KIRREL3: variants seen among roughly 807,000 people sequenced by gnomAD.
KIRREL3 encodes the protein kin of IRRE-like protein 3.
Under a neutral mutation model 89.7 loss-of-function variants are expected in KIRREL3, and 36 were observed. The observed-to-expected ratio is 0.40, with a 90% CI of 0.31 to 0.53. KIRREL3 has a LOEUF of 0.53. Among genes scored for constraint, KIRREL3 ranks in the 20% least tolerant of loss-of-function variants. KIRREL3 has a pLI of 0.49. For missense variants in KIRREL3, 864 were observed against 1,056.6 expected, an observed-to-expected ratio of 0.82 and a Z score of 2.53; for synonymous variants, 445 against 441.4, an observed-to-expected ratio of 1.01 and a Z score of -0.10.
At chr11:126,524,996 A>C (rs1958704565) in intron 3 of KIRREL3, among the ~76,000 whole-genome samples, 1 of 152,174 alleles carries the variant, frequency 6.6e-6, no homozygotes, top group Non-Finnish European at 1.5e-5. Context: ...AAACCGAGTC[A>C]AGCTGGAGAG....
intron 1 of KIRREL3, among the ~76,000 whole-genome samples, chr11:126,919,700 A>G (rs997006983): frequency 1.3e-5 from 2 of 152,206 alleles, no homozygotes; most frequent in Admixed American, 1.3e-4. Context: ...GTGGTCTGGG[A>G]GAGAAACCCT....
rs1951058196 is a variant in KIRREL3 at position 126,802,230 on chromosome 11, G to A, written c.55+198225C>T. Among the ~76,000 whole-genome samples the A allele has an allele frequency of 6.6e-6, 1 of 152,050 alleles. No individual in the cohort carries two copies. The highest frequency in any genetic ancestry group is 2.4e-5 in the African/African-American group (1 of 41,394). ...CCTTGGCCCTACCTCACCTGGAGAA[G>A]TTAACCAAAGAGGAGTAAGAGATCC... On this transcript the variant is annotated intron_variant, in intron 1 of 16. Coordinates refer to ENST00000525144, the MANE Select transcript of KIRREL3 (RefSeq NM_032531.4). The surrounding 1 kb of genome is among the most constrained non-coding windows in gnomAD (Gnocchi z 5.2).
chr11:126,638,175 C>A (rs144557168), intron 1 of KIRREL3, among the ~76,000 whole-genome samples: 27 of 152,326 alleles, frequency 1.8e-4, no homozygotes, highest in African/African-American at 6.5e-4. Flanking sequence ...GGGTTTAGCA[C>A]TGACTTCTCA....
chr11:126,446,148 C>CAAAA (rs56820180), intron 9 of KIRREL3, among the ~76,000 whole-genome samples: 45 of 83,172 alleles, frequency 5.4e-4, no homozygotes, highest in African/African-American at 7.8e-4. Context: ...AACTCCATCT[C>CAAAA]AAAAAAAAAA....
rs1051402552 is a variant in KIRREL3, at chr11:126,981,724, G to A, written c.55+18731C>T. On this transcript the variant is annotated intron_variant, in intron 1 of 16. Transcript: ENST00000525144. This position sits in a 1 kb window ranked among gnomAD's most constrained non-coding sequence, Gnocchi z 4.2. ...TCCTTGGAGTAGGTTCCTGAGCTTG[G>A]TGCCTGGGGAACTGGGGAAGGCCCC... 6.6e-6 allele frequency among the ~76,000 whole-genome samples: 1 copy of A among 152,126 alleles called. No individual in the cohort carries two copies. The highest frequency in any genetic ancestry group is 2.4e-5 in the African/African-American group (1 of 41,424).
upstream of KIRREL3, chr11:127,002,796 T>C (rs1251086187): frequency 6.6e-6 from 1 of 152,232 alleles, no homozygotes; most frequent in Non-Finnish European, 1.5e-5. Context: ...AGGGCCCAGA[T>C]TTGCTTAATT....
rs1939261790 is a variant in KIRREL3, at chr11:126,551,547, C to T, written c.133+11288G>A. 6.6e-6 allele frequency among the ~76,000 whole-genome samples: 1 copy of T among 152,166 alleles called. No homozygotes were observed. Among genetic ancestry groups the T allele is most frequent in the Non-Finnish European group, 1.5e-5 (1 of 68,020 alleles). On this transcript the variant is annotated intron_variant, in intron 2 of 16. Transcript: ENST00000525144. The surrounding 1 kb of genome is among the most constrained non-coding windows in gnomAD (Gnocchi z 4.9). ...CTCAGGCCATGCCCTGACTTTCAAC[C>T]ACTGATCCCTTACAGCAAAAGAATA...
Position 126,921,580 on chromosome 11 carries a change from TTCTATCTATCTATCTATCTA to T in KIRREL3, c.55+78855_55+78874del, listed in dbSNP as rs201891981. On this transcript the variant is annotated intron_variant, in intron 1 of 16. Transcript: ENST00000525144. ...ATCTATCAATCTATCTATATCTGTC[TTCTATCTATCTATCTATCTA>T]TCTATCTATCTATCTATCTATCTTC... Among the ~76,000 whole-genome samples the T allele has an allele frequency of 3.1e-3, 100 of 32,274 alleles. 1 individual carries two copies. The highest frequency in any genetic ancestry group is 6.8e-3 in the African/African-American group (33 of 4,864). The allele number at this position is 32,274 out of a possible 152,430, so 21.2% of individuals were successfully genotyped here.
chr11:126,820,220 A>G (rs1030023524), intron 1 of KIRREL3, among the ~76,000 whole-genome samples: 8 of 152,164 alleles, frequency 5.3e-5, no homozygotes, highest in African/African-American at 1.9e-4. Context: ...CTGCAGAGGG[A>G]GGCAGATAGC....
chr11:126,774,607 C>G (rs1357451344), intron 1 of KIRREL3, among the ~76,000 whole-genome samples: 2 of 152,192 alleles, frequency 1.3e-5, no homozygotes, highest in Non-Finnish European at 2.9e-5. Flanking sequence ...CCTGCACGCT[C>G]TGCACCCAAA....
intron 1 of KIRREL3, among the ~76,000 whole-genome samples, chr11:126,781,153 A>C (rs1293585717): frequency 3.3e-5 from 5 of 152,154 alleles, no homozygotes; most frequent in African/African-American, 1.2e-4. Flanking sequence ...CTATGTCTGC[A>C]AGACTTTCTA....
rs141685917 is a variant in KIRREL3 at position 126,798,731 on chromosome 11, A to G, written c.55+201724T>C. On this transcript the variant is annotated intron_variant, in intron 1 of 16. Transcript: ENST00000525144. ...GGGTGGCCACTTATTTGGGGTTAGC[A>G]TAGGGGATATCCTTAGAGAAACCAT... Among the ~76,000 whole-genome samples the G allele has an allele frequency of 4.6e-5, 7 of 152,288 alleles. No individual in the cohort carries two copies. The East Asian group carries it at 9.6e-4, about 21-fold the overall frequency.
chr11:126,783,338 T>C lies in KIRREL3; in HGVS notation c.55+217117A>G, dbSNP rs1950384850. Among the ~76,000 whole-genome samples, 1 of 152,206 alleles carries C rather than the reference T, an allele frequency of 6.6e-6. No individual in the cohort carries two copies. Among genetic ancestry groups the C allele is most frequent in the African/African-American group, 2.4e-5 (1 of 41,436 alleles). ...TTATGAGGACACTCACTGGTCACAT[T>C]GGATTAAGGGCTTACCTTACTCCAG... is the stretch of plus-strand genomic sequence containing the variant. On this transcript the variant is annotated intron_variant, in intron 1 of 16. Coordinates refer to ENST00000525144, the MANE Select transcript of KIRREL3 (RefSeq NM_032531.4). This position sits in a 1 kb window ranked among gnomAD's most constrained non-coding sequence, Gnocchi z 4.3.
chr11:126,558,491 G>A lies in KIRREL3; in HGVS notation c.133+4344C>T, dbSNP rs565357443. 6.6e-6 allele frequency among the ~76,000 whole-genome samples: 1 copy of A among 152,296 alleles called. No homozygotes were observed. The highest frequency in any genetic ancestry group is 2.4e-5 in the African/African-American group (1 of 41,568). On this transcript the variant is annotated intron_variant, in intron 2 of 16. Transcript: ENST00000525144. The surrounding 1 kb of genome is among the most constrained non-coding windows in gnomAD (Gnocchi z 4.0). ...TCTTCCAGAAGTCTAAGAGCCCTGG[G>A]TGTCTGGAGCCCTGGGCTGTGGTCC...
Position 126,695,675 on chromosome 11 carries a change from G to C in KIRREL3, c.56-132763C>G, listed in dbSNP as rs529368185. Among the ~76,000 whole-genome samples, 400 of 152,214 alleles carry C rather than the reference G, an allele frequency of 2.6e-3. 6 individuals are homozygous for C. Among genetic ancestry groups the C allele is most frequent in the Non-Finnish European group, 6.5e-4 (44 of 68,014 alleles). On this transcript the variant is annotated intron_variant, in intron 1 of 16. Coordinates refer to ENST00000525144, the MANE Select transcript of KIRREL3 (RefSeq NM_032531.4). ...ATGAAGGGCCATCTGCCTGTGTCTGGCTGCCTGTCTGTGAGCTTTCGTGTC... is the reference window on the plus strand; with the variant it reads ...ATGAAGGGCCATCTGCCTGTGTCTGCCTGCCTGTCTGTGAGCTTTCGTGTC...
chr11:126,629,161 C>T (rs1943913691), intron 1 of KIRREL3, among the ~76,000 whole-genome samples: 1 of 152,190 alleles, frequency 6.6e-6, no homozygotes, highest in African/African-American at 2.4e-5. Context: ...TCTCATATTT[C>T]CCTTGATTTA....
rs983380307 is a variant in KIRREL3, at chr11:126,519,221, G to C, written c.433+2094C>G. Among the ~76,000 whole-genome samples the C allele has an allele frequency of 6.6e-6, 1 of 152,196 alleles. No homozygotes were observed. The highest frequency in any genetic ancestry group is 6.5e-5 in the Admixed American group (1 of 15,278). ...TTTAGACATGACCTAAGACAAAATCGGGTCTGTTCAGGTTGGATCCTGAGG... is the reference window on the plus strand; with the variant it reads ...TTTAGACATGACCTAAGACAAAATCCGGTCTGTTCAGGTTGGATCCTGAGG... On this transcript the variant is annotated intron_variant, in intron 4 of 16. Coordinates refer to ENST00000525144, the MANE Select transcript of KIRREL3 (RefSeq NM_032531.4). The surrounding 1 kb of genome is among the most constrained non-coding windows in gnomAD (Gnocchi z 4.3).
At chr11:126,913,342 T>A (rs934383680) in intron 1 of KIRREL3, among the ~76,000 whole-genome samples, 1 of 152,240 alleles carries the variant, frequency 6.6e-6, no homozygotes, top group African/African-American at 2.4e-5. Context: ...AACCTCCTCA[T>A]CACTATTCAG....
intron 1 of KIRREL3, among the ~76,000 whole-genome samples, chr11:126,588,821 T>C (rs1000836888): frequency 2.0e-5 from 3 of 152,074 alleles, no homozygotes; most frequent in African/African-American, 7.2e-5. Flanking sequence ...GTCAAATGAA[T>C]GGATTTATGA....
Sources: allele counts gnomAD v4.1 joint callset (sites outside exome capture counted in the v4.1 genomes callset), GRCh38; gene constraint gnomAD v4.1.1; non-coding constraint Gnocchi (gnomAD v3.1); transcripts MANE v1.5; gene names NCBI Gene and HGNC (gene_info 2026-07-23, HGNC 2026-07-21).